SNX29: variants seen among roughly 807,000 people sequenced by gnomAD.
SNX29 encodes the protein sorting nexin 29, also known as sorting nexin-29.
In SNX29, 78 loss-of-function variants were observed where a neutral mutation model predicts 102.1. That is an observed-to-expected ratio of 0.76 (90% CI 0.64 to 0.92). The LOEUF (loss-of-function observed/expected upper bound fraction) is 0.92, where lower values mean the gene tolerates loss of function less well. Among genes scored for constraint, SNX29 ranks in the 40% least tolerant of loss-of-function variants. The pLI, the probability that SNX29 is intolerant of heterozygous loss-of-function variation, is 0.00. For synonymous variants in SNX29, 580 were observed against 414.5 expected, an observed-to-expected ratio of 1.40 and a Z score of -4.85; for missense variants, 1,280 against 1,061.7, an observed-to-expected ratio of 1.21 and a Z score of -2.86.
chr16:12,201,891 T>A (rs926436092), intron 14 of SNX29, among the ~76,000 whole-genome samples: 1 of 152,198 alleles, frequency 6.6e-6, no homozygotes, highest in Non-Finnish European at 1.5e-5. Context: ...AGGAAAATTT[T>A]GAACCTAATT....
intron 1 of SNX29, among the ~76,000 whole-genome samples, chr16:11,995,838 GATC>G (rs1220380381): frequency 6.6e-6 from 1 of 151,996 alleles, no homozygotes; most frequent in Non-Finnish European, 1.5e-5. Context: ...GAGGTGGGTG[GATC>G]ACGAGGTCAG....
At chr16:12,494,549 A>C (rs79188650) in intron 19 of SNX29, among the ~76,000 whole-genome samples, 2,853 of 152,276 alleles carry the variant, frequency 0.019, 86 homozygotes, top group African/African-American at 0.065. Flanking sequence ...GGGGTCCAGC[A>C]AGCTTTAAGT....
intron 15 of SNX29, among the ~76,000 whole-genome samples, chr16:12,290,359 C>G (rs1401674491): frequency 6.6e-6 from 1 of 152,142 alleles, no homozygotes; most frequent in Non-Finnish European, 1.5e-5. Flanking sequence ...CCTTTCCTGT[C>G]CGTTTTCGCT....
chr16:12,078,750 C>T, intron 10 of SNX29, 83 bp from the exon 11 acceptor site: 1 of 1,210,994 alleles, frequency 8.3e-7, no homozygotes, highest in Non-Finnish European at 1.2e-6. Context: ...CCGGAGTAAA[C>T]CGACCTCTGC....
intron 20 of SNX29, among the ~76,000 whole-genome samples, chr16:12,537,097 G>A (rs748289237): frequency 3.3e-5 from 5 of 152,192 alleles, no homozygotes; most frequent in African/African-American, 7.2e-5. Flanking sequence ...CTCCACCCAC[G>A]GTCAGTCCCT....
chr16:12,127,013 C>T (rs2054241344), intron 12 of SNX29, among the ~76,000 whole-genome samples: 1 of 152,068 alleles, frequency 6.6e-6, no homozygotes, highest in South Asian at 2.1e-4. Context: ...CACTATAATT[C>T]ACTCATTTAA....
chr16:12,512,945 G>A (rs115817031), intron 19 of SNX29, among the ~76,000 whole-genome samples: 8,437 of 152,140 alleles, frequency 0.055, 448 homozygotes, highest in African/African-American at 0.13. Context: ...GTGGCAGAGC[G>A]GAGTTGCTGG....
At chr16:12,546,029 C>T (rs1308586525) in intron 20 of SNX29, among the ~76,000 whole-genome samples, 1 of 152,224 alleles carries the variant, frequency 6.6e-6, no homozygotes, top group Non-Finnish European at 1.5e-5. Flanking sequence ...AAAAAACCCA[C>T]ACCCTTGAGT....
intron 19 of SNX29, among the ~76,000 whole-genome samples, chr16:12,511,898 A>G (rs74730598): frequency 0.057 from 8,699 of 152,014 alleles, 475 homozygotes; most frequent in African/African-American, 0.14. Context: ...CCAGGAAACC[A>G]CTGGACGGCG....
intron 16 of SNX29, among the ~76,000 whole-genome samples, chr16:12,357,286 CA>C (rs1306010885): frequency 2.6e-5 from 4 of 152,134 alleles, no homozygotes; most frequent in Non-Finnish European, 4.4e-5. Flanking sequence ...TCATTTCAAT[CA>C]AATTCTGGGT....
chr16:11,998,869 C>T (rs2056182985), intron 1 of SNX29, among the ~76,000 whole-genome samples: 1 of 152,190 alleles, frequency 6.6e-6, no homozygotes, highest in African/African-American at 2.4e-5. Context: ...TGAGCAGTTC[C>T]TGCTGTACTG....
chr16:12,535,501 A>G (rs991523861), intron 20 of SNX29, among the ~76,000 whole-genome samples: 6 of 152,076 alleles, frequency 3.9e-5, no homozygotes, highest in African/African-American at 1.4e-4. Context: ...AGATGAGGAA[A>G]CTGAGTCTCA....
intron 20 of SNX29, among the ~76,000 whole-genome samples, chr16:12,527,637 A>G (rs570906075): frequency 1.3e-5 from 2 of 152,246 alleles, no homozygotes; most frequent in East Asian, 3.9e-4. Context: ...TGAGGCTCAA[A>G]GGGGCGAACT....
chr16:12,564,731 G>C (rs1450877486), intron 20 of SNX29, among the ~76,000 whole-genome samples: 2 of 151,954 alleles, frequency 1.3e-5, no homozygotes, highest in African/African-American at 4.8e-5. Context: ...TAAAAATGCA[G>C]TTGTGCCTAA....
Position 12,122,947 on chromosome 16 carries a change from C to T in SNX29, c.1403-3686C>T, listed in dbSNP as rs1056142547. Among the ~76,000 whole-genome samples the T allele has an allele frequency of 3.3e-5, 5 of 152,252 alleles. No homozygotes were observed. In the South Asian group the frequency reaches 8.3e-4, roughly 25 times the overall value. On this transcript the variant is annotated intron_variant, in intron 11 of 20. Transcript: ENST00000566228. The stretch of plus-strand genomic sequence containing the variant: ...GTTCAAGCAATTCTCCCGCCTCAGC[C>T]TCCCAAGTAGCTGGAATTAGAGGCG...
intron 14 of SNX29, among the ~76,000 whole-genome samples, chr16:12,225,904 C>T (rs981404050): frequency 2.0e-5 from 3 of 152,174 alleles, no homozygotes; most frequent in East Asian, 3.9e-4. Context: ...AGAGGCTCTC[C>T]TGCCTTTTAA....
intron 13 of SNX29, among the ~76,000 whole-genome samples, chr16:12,152,813 C>T (rs894451142): frequency 2.1e-4 from 32 of 152,190 alleles, no homozygotes; most frequent in Non-Finnish European, 8.8e-5. Context: ...ATGGTTCTGT[C>T]TCACATAGGT....
intron 14 of SNX29, among the ~76,000 whole-genome samples, chr16:12,231,634 T>C (rs75113764): frequency 6.6e-6 from 1 of 152,280 alleles, no homozygotes; most frequent in Non-Finnish European, 1.5e-5. Flanking sequence ...ATGTTTCTAG[T>C]TATTTTGGAG....
intron 14 of SNX29, among the ~76,000 whole-genome samples, chr16:12,261,657 C>T (rs552168248): frequency 1.6e-5 from 2 of 122,280 alleles, no homozygotes; most frequent in African/African-American, 6.4e-5. Flanking sequence ...TTCCTGAGCT[C>T]GGGTCTGCAC....
Sources: gnomAD v4.1 joint callset for allele counts (sites outside exome capture counted in the v4.1 genomes callset) on GRCh38, gnomAD v4.1.1 for gene constraint, MANE v1.5 for transcripts, NCBI Gene and HGNC (gene_info 2026-07-23, HGNC 2026-07-21) for gene names.